Variants in NPAS3 observed in about 807,000 individuals in gnomAD.
NPAS3 encodes neuronal PAS domain protein 3.
NPAS3 carries 14 observed loss-of-function variants against 73.1 expected under a neutral mutation model. The ratio of observed to expected loss-of-function variants is 0.19; its 90% CI spans 0.13 to 0.30. The LOEUF (loss-of-function observed/expected upper bound fraction) is 0.30. Among genes scored for constraint, NPAS3 ranks in the 10% least tolerant of loss-of-function variants. The probability of loss-of-function intolerance (pLI) is 1.00; values close to 1 mark genes in which losing one functional copy is unlikely to be tolerated. For synonymous variants in NPAS3, 620 were observed against 541.5 expected, an observed-to-expected ratio of 1.14 and a Z score of -2.01; for missense variants, 1,096 against 1,250.0, an observed-to-expected ratio of 0.88 and a Z score of 1.86.
intron 4 of NPAS3, among the ~76,000 whole-genome samples, chr14:33,404,533 A>G (rs888346737): frequency 3.9e-5 from 6 of 151,932 alleles, no homozygotes; most frequent in African/African-American, 1.5e-4. Flanking sequence ...GTTTTATTTT[A>G]GACAAATGAT....
chr14:33,714,151 TA>T (rs2060896563), intron 6 of NPAS3, among the ~76,000 whole-genome samples: 1 of 152,048 alleles, frequency 6.6e-6, no homozygotes, highest in Admixed American at 6.5e-5. Flanking sequence ...TAAAATTTTT[TA>T]AAAAGACTAA....
chr14:33,733,304 C>T (rs548462422), intron 6 of NPAS3, among the ~76,000 whole-genome samples: 9 of 149,326 alleles, frequency 6.0e-5, no homozygotes, highest in African/African-American at 2.3e-4. Context: ...TATAATCTGT[C>T]CTTGGGAGGA....
chr14:33,754,633 A>G (rs1160959783), intron 7 of NPAS3, among the ~76,000 whole-genome samples: 1 of 152,204 alleles, frequency 6.6e-6, no homozygotes, highest in Non-Finnish European at 1.5e-5. Context: ...ATTTCCAGAA[A>G]GACAGAGGTA....
intron 4 of NPAS3, among the ~76,000 whole-genome samples, chr14:33,382,480 C>A (rs2046598821): frequency 6.6e-6 from 1 of 152,016 alleles, no homozygotes; most frequent in African/African-American, 2.4e-5. Flanking sequence ...TGAGATTATT[C>A]ATTTTAGAAA....
intron 4 of NPAS3, among the ~76,000 whole-genome samples, chr14:33,386,358 C>T (rs2046775434): frequency 6.6e-6 from 1 of 152,156 alleles, no homozygotes; most frequent in Non-Finnish European, 1.5e-5. Context: ...AAACAATTCA[C>T]CATTTCATCT....
At chr14:33,156,720 A>G (rs1295985324) in intron 2 of NPAS3, among the ~76,000 whole-genome samples, 1 of 152,164 alleles carries the variant, frequency 6.6e-6, no homozygotes, top group African/African-American at 2.4e-5. Flanking sequence ...TGTGCTTTCC[A>G]TTACAAATAT....
chr14:33,562,719 T>A (rs2055709971), intron 5 of NPAS3, among the ~76,000 whole-genome samples: 1 of 152,188 alleles, frequency 6.6e-6, no homozygotes, highest in African/African-American at 2.4e-5. Flanking sequence ...AAACAAAAAA[T>A]CTATGCTAAA....
chr14:33,304,052 T>C (rs1304910046), intron 3 of NPAS3, among the ~76,000 whole-genome samples: 2 of 152,170 alleles, frequency 1.3e-5, no homozygotes, highest in Admixed American at 6.5e-5. Context: ...GGACTACAGG[T>C]GCCCGCAACC....
intron 4 of NPAS3, among the ~76,000 whole-genome samples, chr14:33,418,301 C>T (rs1175205134): frequency 1.3e-5 from 2 of 151,902 alleles, no homozygotes; most frequent in Non-Finnish European, 2.9e-5. Flanking sequence ...AAAGGCTGAA[C>T]AGCTTTTCAC....
In NPAS3 at chr14:33,787,295, T is replaced by C. The variant is rs375780145; in HGVS notation, c.1154-6602T>C. Among the ~76,000 whole-genome samples, 266 of 152,314 alleles carry C rather than the reference T, an allele frequency of 1.7e-3. 2 individuals carry two copies. Among genetic ancestry groups the C allele is most frequent in the African/African-American group, 6.2e-3 (256 of 41,560 alleles). Reference sequence around the variant, plus strand: ...TTATCATGAAGAAAAGGGGAATTTATTTTTTAAGCTTAACAAATTGACGCA... The same window carrying C: ...TTATCATGAAGAAAAGGGGAATTTACTTTTTAAGCTTAACAAATTGACGCA... On this transcript the variant is annotated intron_variant, in intron 9 of 11. Coordinates refer to ENST00000356141, the Ensembl canonical transcript of NPAS3.
intron 2 of NPAS3, among the ~76,000 whole-genome samples, chr14:33,182,396 T>C (rs1007224407): frequency 6.6e-6 from 1 of 152,236 alleles, no homozygotes; most frequent in East Asian, 1.9e-4. Context: ...TATGTCAAAT[T>C]AAGCAATATC....
intron 5 of NPAS3, among the ~76,000 whole-genome samples, chr14:33,632,130 A>G (rs1326185082): frequency 3.3e-5 from 5 of 152,230 alleles, no homozygotes; most frequent in African/African-American, 4.8e-5. Flanking sequence ...GATAACTAGC[A>G]GAAGAAGGCA....
intron 1 of NPAS3, among the ~76,000 whole-genome samples, chr14:32,963,752 A>G (rs2037029270): frequency 6.6e-6 from 1 of 152,200 alleles, no homozygotes; most frequent in South Asian, 2.1e-4. Flanking sequence ...AACTTAGTAG[A>G]TGATTCAATT....
At chr14:33,311,053 C>T (rs2140193672) in intron 3 of NPAS3, among the ~76,000 whole-genome samples, 1 of 152,170 alleles carries the variant, frequency 6.6e-6, no homozygotes, top group South Asian at 2.1e-4. Context: ...CAAAACTGAC[C>T]TAGGATCTCT....
At chr14:32,989,382 C>T (rs1453689111) in intron 1 of NPAS3, among the ~76,000 whole-genome samples, 1 of 152,156 alleles carries the variant, frequency 6.6e-6, no homozygotes, top group Non-Finnish European at 1.5e-5. Flanking sequence ...CGGTGGCTCA[C>T]GCCTGTAATC....
Position 33,759,851 on chromosome 14 carries a change from T to G in NPAS3, c.853-14486T>G, listed in dbSNP as rs965390087. ...AGATCGCAACATGCACATCACAAATTTCTCCATTTTGCCAAGGGCATTTAG... is the reference window on the plus strand; with the variant it reads ...AGATCGCAACATGCACATCACAAATGTCTCCATTTTGCCAAGGGCATTTAG... On this transcript the variant is annotated intron_variant, in intron 7 of 11. Transcript: ENST00000356141. Among the ~76,000 whole-genome samples the G allele has an allele frequency of 2.6e-5, 4 of 152,222 alleles. No homozygotes were observed. The South Asian group carries it at 8.3e-4, about 32-fold the overall frequency.
chr14:33,608,225 C>T (rs2057638317), intron 5 of NPAS3, among the ~76,000 whole-genome samples: 2 of 152,282 alleles, frequency 1.3e-5, no homozygotes, highest in South Asian at 4.1e-4. Flanking sequence ...GGACATTTGA[C>T]TGTAGCCTAC....
At chr14:33,395,911 A>G (rs1184964728) in intron 4 of NPAS3, among the ~76,000 whole-genome samples, 2 of 152,156 alleles carry the variant, frequency 1.3e-5, no homozygotes, top group Non-Finnish European at 2.9e-5. Context: ...GATAAATTAT[A>G]AGCAAATGGA....
At position 33,724,526 on chromosome 14, in the gene NPAS3, C is replaced by G. The variant is rs374922182; in HGVS notation, c.734-10688C>G. ...GCGCCCACCTGTAGTCCCAGCTACT[C>G]AGGAGGCTGAAGCAGAGGATCACCT... On this transcript the variant is annotated intron_variant, in intron 6 of 11. Coordinates refer to ENST00000356141, the Ensembl canonical transcript of NPAS3. Among the ~76,000 whole-genome samples the G allele has an allele frequency of 4.0e-4, 61 of 152,202 alleles. No homozygotes were observed. In the Middle Eastern group the frequency reaches 0.01, roughly 25 times the overall value.
Sources: gnomAD v4.1 joint callset for allele counts (sites outside exome capture counted in the v4.1 genomes callset) on GRCh38, gnomAD v4.1.1 for gene constraint, MANE v1.5 for transcripts, NCBI Gene and HGNC (gene_info 2026-07-23, HGNC 2026-07-21) for gene names.